The following SPATA31C1 variants were observed in gnomAD, a reference collection of about 807,000 sequenced individuals.
The protein encoded by SPATA31C1 is SPATA31 subfamily C member 1, also known as spermatogenesis-associated protein 31C1.
At position 87,923,094 on chromosome 9, in the gene SPATA31C1, A is replaced by C. The variant is rs771727632; in HGVS notation, n.3484A>C. The C allele has an allele frequency of 1.2e-5, 19 of 1,602,656 alleles. No individual in the cohort carries two copies. In the East Asian group the frequency reaches 4.0e-4, roughly 34 times the overall value. On this transcript the variant is annotated non_coding_transcript_exon_variant, in exon 5 of 5. Coordinates refer to ENST00000420021, the Ensembl canonical transcript of SPATA31C1. Reference sequence around the variant, plus strand: ...CAGTGCTGAAGCTGAGAGGCTCATGACAGCAGTTGGACAGATACCGGAGGA... The same window carrying C: ...CAGTGCTGAAGCTGAGAGGCTCATGCCAGCAGTTGGACAGATACCGGAGGA...
chr9:87,921,496 C>G (rs200211927), exon 5 of SPATA31C1: 40,753 of 1,611,830 alleles, frequency 0.025, 721 homozygotes, highest in Non-Finnish European at 0.031. Flanking sequence ...CTGGGTGAGA[C>G]CCCACAAAAT....
chr9:87,918,897 G>T (rs1405772519), intron 2 of SPATA31C1: 16 of 352,812 alleles, frequency 4.5e-5, no homozygotes, highest in Middle Eastern at 1.0e-3. Context: ...TTAGCGTCCT[G>T]AGTAGCTGGG....
exon 5 of SPATA31C1, chr9:87,922,686 C>T (rs1308177255): frequency 3.1e-6 from 5 of 1,607,792 alleles, no homozygotes; most frequent in Non-Finnish European, 4.2e-6. Flanking sequence ...GCTATGTGAC[C>T]TCATGTCAGC....
exon 5 of SPATA31C1, chr9:87,920,352 T>G (rs1005962830): frequency 1.2e-6 from 2 of 1,613,840 alleles, no homozygotes; most frequent in Non-Finnish European, 1.7e-6. Context: ...AGCCTCCCGG[T>G]CCTCTCATGA....
chr9:87,922,211 T>C, exon 5 of SPATA31C1: 2 of 1,613,348 alleles, frequency 1.2e-6, no homozygotes, highest in Non-Finnish European at 1.7e-6. Context: ...CTCCTACAGC[T>C]GGACAGGAGG....
chr9:87,919,088 A>G (rs777881022), intron 2 of SPATA31C1, 167 bp from the exon 2 acceptor site: 4 of 1,143,582 alleles, frequency 3.5e-6, no homozygotes, highest in African/African-American at 1.6e-5. Flanking sequence ...CTGTTTTTCT[A>G]AGAAAAGCAG....
chr9:87,920,137 G>A (rs1276427626), intron 4 of SPATA31C1, 115 bp from the exon 4 acceptor site: 2 of 1,599,454 alleles, frequency 1.3e-6, no homozygotes, highest in Non-Finnish European at 1.7e-6. Context: ...GGTGGTCAGG[G>A]TGTGGCGTGG....
At chr9:87,919,102 A>T (rs1828774905) in intron 2 of SPATA31C1, 153 bp from the exon 2 acceptor site, 2 of 1,225,720 alleles carry the variant, frequency 1.6e-6, no homozygotes, top group Non-Finnish European at 2.3e-6. Flanking sequence ...AAAGCAGTTT[A>T]TCATCCATTT....
chr9:87,916,808 T>C (rs62578259), intron 1 of SPATA31C1, among the ~76,000 whole-genome samples: 10,350 of 67,148 alleles, frequency 0.15, 1,925 homozygotes, highest in Non-Finnish European at 0.37. Context: ...CCATCCTGGC[T>C]AACACGGTGA....
At chr9:87,923,248 T>C in exon 5 of SPATA31C1, 1 of 1,603,564 alleles carries the variant, frequency 6.2e-7, no homozygotes. Flanking sequence ...AGCAGAATGC[T>C]GAGCTATGCA....
chr9:87,920,446 C>A, exon 5 of SPATA31C1: 1 of 1,613,998 alleles, frequency 6.2e-7, no homozygotes, highest in Non-Finnish European at 8.5e-7. Context: ...CTGGCCTCCA[C>A]CCCACCACCA....
chr9:87,923,071 G>A, exon 5 of SPATA31C1: 1 of 1,601,478 alleles, frequency 6.2e-7, no homozygotes, highest in Non-Finnish European at 8.5e-7. Context: ...TACGGCAGCA[G>A]TGCTGAAGCT....
At chr9:87,921,040 T>C (rs1828847875) in exon 5 of SPATA31C1, 1 of 1,611,520 alleles carries the variant, frequency 6.2e-7, no homozygotes, top group Admixed American at 1.7e-5. Flanking sequence ...CTATCCCCGA[T>C]GAAGAACACT....
chr9:87,920,218 C>G (rs1275276551), intron 4 of SPATA31C1, 34 bp from the exon 4 acceptor site: 1 of 1,611,578 alleles, frequency 6.2e-7, no homozygotes, highest in South Asian at 1.1e-5. Flanking sequence ...CCATCTGGCT[C>G]CTGGCTGCAG....
chr9:87,920,587 C>G, exon 5 of SPATA31C1: 1 of 1,613,758 alleles, frequency 6.2e-7, no homozygotes, highest in Non-Finnish European at 8.5e-7. Context: ...GATCCTCTGG[C>G]CTGCTCTCCA....
exon 5 of SPATA31C1, chr9:87,920,568 C>T (rs1191323695): frequency 1.2e-6 from 2 of 1,613,800 alleles, no homozygotes; most frequent in Admixed American, 1.7e-5. Context: ...TCACCCACCA[C>T]ACACCCCTGA....
At chr9:87,921,710 T>C in exon 5 of SPATA31C1, 2 of 1,611,966 alleles carry the variant, frequency 1.2e-6, no homozygotes, top group Non-Finnish European at 8.5e-7. Flanking sequence ...TCCCCGTGAG[T>C]GTGCGTCGAT....
chr9:87,921,111 C>A (rs754127429), exon 5 of SPATA31C1: 60 of 1,611,574 alleles, frequency 3.7e-5, no homozygotes, highest in Non-Finnish European at 4.8e-5. Context: ...TGAAACTCAG[C>A]ACCCTGAAAG....
exon 5 of SPATA31C1, chr9:87,922,890 C>G: frequency 6.2e-7 from 1 of 1,605,338 alleles, no homozygotes; most frequent in Non-Finnish European, 8.5e-7. Context: ...AGAAGACACC[C>G]GTCAGAATGA....
Sources: gnomAD v4.1 joint callset for allele counts (sites outside exome capture counted in the v4.1 genomes callset) on GRCh38, gnomAD v4.1.1 for gene constraint, MANE v1.5 for transcripts, NCBI Gene and HGNC (gene_info 2026-07-23, HGNC 2026-07-21) for gene names.